The following SCNN1B variants were observed in gnomAD, a reference collection of about 807,000 sequenced individuals.
The protein encoded by SCNN1B is epithelial sodium channel subunit beta.
A neutral mutation model predicts 65.3 loss-of-function variants in SCNN1B; 46 were observed. The observed-to-expected ratio is 0.70, with a 90% CI of 0.56 to 0.90. The LOEUF is 0.90. Ranked by LOEUF, SCNN1B falls within the 40% of genes least tolerant of loss-of-function variation. The probability of loss-of-function intolerance (pLI) is 0.00; values close to 1 mark genes in which losing one functional copy is unlikely to be tolerated. For missense variants in SCNN1B, 751 were observed against 830.5 expected (o/e 0.90, Z 1.18); for synonymous variants, 349 against 330.6 (o/e 1.06, Z -0.60).
At position 23,338,753 on chromosome 16, in the gene SCNN1B, C is replaced by T. The variant is rs560997955; in HGVS notation, c.-8-9839C>T. On this transcript the variant is annotated intron_variant, in intron 1 of 12. Transcript: ENST00000343070. ...TCAAATCTAGCAGAACATGGTCATG[C>T]GGGGACAACCGTCACATCTTTCTGA... Among the ~76,000 whole-genome samples, 16 of 152,168 alleles carry T rather than the reference C, an allele frequency of 1.1e-4. No individual in the cohort carries two copies. The South Asian group carries it at 2.5e-3, about 24-fold the overall frequency.
At chr16:23,354,618 G>A (rs899433593) in intron 3 of SCNN1B, among the ~76,000 whole-genome samples, 1 of 152,260 alleles carries the variant, frequency 6.6e-6, no homozygotes, top group South Asian at 2.1e-4. Flanking sequence ...AGCATTTCCT[G>A]TGTGTTGAGT....
At chr16:23,310,365 G>C (rs546688205) in intron 1 of SCNN1B, among the ~76,000 whole-genome samples, 3 of 147,112 alleles carry the variant, frequency 2.0e-5, no homozygotes, top group Admixed American at 1.4e-4. Flanking sequence ...CCACTGTTAT[G>C]ACCAATAATT....
chr16:23,291,469 TGTGTAA>T (rs1462256839), intron 2 of SCNN1B, among the ~76,000 whole-genome samples: 12 of 130,974 alleles, frequency 9.2e-5, no homozygotes, highest in African/African-American at 4.1e-4. Flanking sequence ...TATATGTGTG[TGTGTAA>T]GTGTGTGTGT....
At chr16:23,368,191 A>G (rs772174138) in intron 5 of SCNN1B, among the ~76,000 whole-genome samples, 3 of 152,104 alleles carry the variant, frequency 2.0e-5, no homozygotes, top group Non-Finnish European at 4.4e-5. Flanking sequence ...TGGTGTTCCC[A>G]TTTTACTGAT....
At chr16:23,287,159 C>G (rs1567284480) in intron 2 of SCNN1B, among the ~76,000 whole-genome samples, 1 of 151,826 alleles carries the variant, frequency 6.6e-6, no homozygotes, top group African/African-American at 2.4e-5. Flanking sequence ...CACCTACCAC[C>G]ACGCCCGGCT....
intron 2 of SCNN1B, among the ~76,000 whole-genome samples, chr16:23,297,226 G>T (rs1445702075): frequency 6.6e-6 from 1 of 152,134 alleles, no homozygotes; most frequent in Non-Finnish European, 1.5e-5. Flanking sequence ...GCCTATCTGA[G>T]CCTCACTCAC....
chr16:23,369,842 TCTC>T (rs905648034), intron 5 of SCNN1B, among the ~76,000 whole-genome samples: 12 of 152,282 alleles, frequency 7.9e-5, no homozygotes, highest in African/African-American at 2.6e-4. Context: ...TCCCTTCACT[TCTC>T]TGTGCCTCAG....
At chr16:23,337,200 T>A (rs1391575948) in intron 1 of SCNN1B, among the ~76,000 whole-genome samples, 1 of 151,908 alleles carries the variant, frequency 6.6e-6, no homozygotes, top group South Asian at 2.1e-4. Context: ...CACAGGCACA[T>A]GCCACCACAT....
At chr16:23,325,249 T>G (rs1263353912) in intron 1 of SCNN1B, among the ~76,000 whole-genome samples, 1 of 152,002 alleles carries the variant, frequency 6.6e-6, no homozygotes, top group Non-Finnish European at 1.5e-5. Flanking sequence ...TTTGGTTGCT[T>G]TTATGTATTT....
intron 7 of SCNN1B, 52 bp downstream of exon 7, chr16:23,371,935 G>A (rs1159308723): frequency 7.0e-6 from 9 of 1,293,238 alleles, no homozygotes; most frequent in Admixed American, 1.7e-5. Flanking sequence ...CGGGTTTATG[G>A]GGCCAAGGCC....
At chr16:23,325,456 G>A (rs1205823444) in intron 1 of SCNN1B, among the ~76,000 whole-genome samples, 7 of 151,538 alleles carry the variant, frequency 4.6e-5, no homozygotes. Flanking sequence ...CAGTAGAGAC[G>A]GGATTTCACC....
chr16:23,343,583 G>GAA (rs1396891114), intron 1 of SCNN1B, among the ~76,000 whole-genome samples: 18 of 22,674 alleles, frequency 7.9e-4, no homozygotes, highest in African/African-American at 2.6e-3. Context: ...AAGAAAAAGA[G>GAA]AAAGAAAGAA....
chr16:23,293,114 C>CAAAAAAAAAAAAAAAAAAAAA (rs1191618996), intron 2 of SCNN1B, among the ~76,000 whole-genome samples: 3 of 34,180 alleles, frequency 8.8e-5, no homozygotes, highest in African/African-American at 2.3e-4. Flanking sequence ...GACTCATTCT[C>CAAAAAAAAAAAAAAAAAAAAA]AAAAAAAAAA....
At chr16:23,361,316 A>T (rs1328738195) in intron 4 of SCNN1B, among the ~76,000 whole-genome samples, 1 of 152,182 alleles carries the variant, frequency 6.6e-6, no homozygotes, top group Non-Finnish European at 1.5e-5. Context: ...CTCCCTCCTC[A>T]GCCTCCAAAA....
chr16:23,327,075 C>T (rs550606795), intron 1 of SCNN1B, among the ~76,000 whole-genome samples: 1 of 152,092 alleles, frequency 6.6e-6, no homozygotes, highest in South Asian at 2.1e-4. Context: ...CATCACTATG[C>T]TCAGCTAACG....
At chr16:23,350,661 T>C (rs152731) in intron 2 of SCNN1B, among the ~76,000 whole-genome samples, 82,311 of 151,562 alleles carry the variant, frequency 0.54, 25,638 homozygotes, top group African/African-American at 0.85. Context: ...GCCTGTAATC[T>C]CAGCATTTTG....
rs532879628 is a variant in SCNN1B, at chr16:23,355,820, G to A, written c.776+331G>A. Among the ~76,000 whole-genome samples the A allele has an allele frequency of 6.6e-5, 10 of 151,952 alleles. No individual in the cohort carries two copies. The East Asian group carries it at 1.4e-3, about 21-fold the overall frequency. ...AGGAAAGGCTGGGCGTGGTGGGTGG[G>A]TGGCTTACCCCTGTAGTCCCAGCAC... On this transcript the variant is annotated intron_variant, in intron 4 of 12. Transcript: ENST00000343070.
intron 1 of SCNN1B, among the ~76,000 whole-genome samples, chr16:23,327,502 C>A (rs1961721016): frequency 6.6e-6 from 1 of 152,068 alleles, no homozygotes; most frequent in South Asian, 2.1e-4. Flanking sequence ...CCATTGCACT[C>A]CAGCCTGGGA....
chr16:23,371,561 C>T, intron 6 of SCNN1B, 99 bp downstream of exon 6: 3 of 1,299,538 alleles, frequency 2.3e-6, no homozygotes, highest in Non-Finnish European at 1.1e-6. Context: ...GGATCTGGGC[C>T]CCCCAGCCCT....
Sources: gnomAD v4.1 joint callset for allele counts (sites outside exome capture counted in the v4.1 genomes callset) on GRCh38, gnomAD v4.1.1 for gene constraint, MANE v1.5 for transcripts, NCBI Gene and HGNC (gene_info 2026-07-23, HGNC 2026-07-21) for gene names.